Variants in INPP5D observed in about 807,000 individuals in gnomAD.
INPP5D encodes phosphatidylinositol 3,4,5-trisphosphate 5-phosphatase 1.
INPP5D carries 33 observed loss-of-function variants against 122.9 expected under a neutral mutation model. The observed-to-expected ratio is 0.27, with a 90% confidence interval of 0.20 to 0.36. The LOEUF (loss-of-function observed/expected upper bound fraction) is 0.36. Among genes scored for constraint, INPP5D ranks in the 10% least tolerant of loss-of-function variants. The pLI is 1.00. For synonymous variants in INPP5D, 584 were observed against 576.2 expected, an observed-to-expected ratio of 1.01 and a Z score of -0.19; for missense variants, 1,053 against 1,412.7, an observed-to-expected ratio of 0.75 and a Z score of 4.08.
chr2:233,077,840 A>G (rs909432228), intron 1 of INPP5D, among the ~76,000 whole-genome samples: 56 of 146,682 alleles, frequency 3.8e-4, no homozygotes, highest in Admixed American at 3.6e-3. Context: ...AGCCTGAGTG[A>G]CAGAGTGAGA....
Position 233,100,748 on chromosome 2 carries a change from C to A in INPP5D, c.198+21350C>A, listed in dbSNP as rs1692288933. Among the ~76,000 whole-genome samples the A allele has an allele frequency of 6.6e-6, 1 of 152,220 alleles. No homozygotes were observed. The highest frequency in any genetic ancestry group is 1.5e-5 in the Non-Finnish European group (1 of 68,030). On this transcript the variant is annotated intron_variant, in intron 2 of 26. Coordinates refer to ENST00000445964, the MANE Select transcript of INPP5D (RefSeq NM_001017915.3). The surrounding 1 kb of genome is among the most constrained non-coding windows in gnomAD (Gnocchi z 5.3). ...CCTTTGCAGGTGTGACCTGTCTGCTCCTGTTAGAGCCTCCTTTCCCCAGAG... is the reference window on the plus strand; with the variant it reads ...CCTTTGCAGGTGTGACCTGTCTGCTACTGTTAGAGCCTCCTTTCCCCAGAG...
At chr2:233,153,815 CAG>C (rs1271619268) in intron 9 of INPP5D, among the ~76,000 whole-genome samples, 2 of 152,222 alleles carry the variant, frequency 1.3e-5, no homozygotes, top group Non-Finnish European at 2.9e-5. Flanking sequence ...CTACTGAAAA[CAG>C]AGGACTAAGG....
At chr2:233,186,697 T>A (rs1171475614) in intron 21 of INPP5D, among the ~76,000 whole-genome samples, 1 of 23,686 alleles carries the variant, frequency 4.2e-5, no homozygotes, top group Non-Finnish European at 7.7e-5. Context: ...TTTTTTTTTT[T>A]TTTTTTTTTT....
chr2:233,199,774 A>C (rs1305909541), intron 25 of INPP5D, among the ~76,000 whole-genome samples: 1 of 152,084 alleles, frequency 6.6e-6, no homozygotes, highest in Non-Finnish European at 1.5e-5. Flanking sequence ...GGTTGCAGTG[A>C]GCTGAGATCA....
chr2:233,199,163 A>G (rs1695264625), intron 25 of INPP5D, among the ~76,000 whole-genome samples: 1 of 152,024 alleles, frequency 6.6e-6, no homozygotes, highest in South Asian at 2.1e-4. Context: ...GCTTGAGCCC[A>G]GGAGGCAGAG....
At chr2:233,169,920 A>T in intron 14 of INPP5D, 106 bp from the exon 15 acceptor site, 1 of 1,569,496 alleles carries the variant, frequency 6.4e-7, no homozygotes, top group Non-Finnish European at 8.7e-7. Context: ...ACTTCCCCCC[A>T]CCTGCTATGC....
chr2:233,062,917 GTCATCT>G (rs1444611350), intron 1 of INPP5D, among the ~76,000 whole-genome samples: 1 of 151,692 alleles, frequency 6.6e-6, no homozygotes, highest in Non-Finnish European at 1.5e-5. Flanking sequence ...ATAACAAACT[GTCATCT>G]TCCAACACCT....
At chr2:233,144,345 AGAT>A (rs1693693606) in intron 6 of INPP5D, among the ~76,000 whole-genome samples, 1 of 135,720 alleles carries the variant, frequency 7.4e-6, no homozygotes, top group African/African-American at 2.8e-5. Flanking sequence ...GGAGGGGTGG[AGAT>A]GGTGGTGGTG....
intron 2 of INPP5D, among the ~76,000 whole-genome samples, chr2:233,094,750 G>A (rs1031166251): frequency 9.9e-5 from 15 of 152,096 alleles, no homozygotes; most frequent in African/African-American, 3.4e-4. Context: ...ATCCCCAGGT[G>A]ATCCTGATGC....
rs370954433 is a variant in INPP5D at position 233,206,750 on chromosome 2, C to A, written c.*42C>A. ...CCACTGAGTCGGGAGCCCAGAGGAACGGCGTGAAGCCACTGGACCCTCTCC... is the reference window on the plus strand; with the variant it reads ...CCACTGAGTCGGGAGCCCAGAGGAAAGGCGTGAAGCCACTGGACCCTCTCC... On this transcript the variant is annotated 3_prime_UTR_variant, in exon 27 of 27. Transcript: ENST00000445964. The surrounding 1 kb of genome is among the most constrained non-coding windows in gnomAD (Gnocchi z 4.0). The A allele has an allele frequency of 2.6e-6, 2 of 757,530 alleles. No individual in the cohort carries two copies. The highest frequency in any genetic ancestry group is 3.4e-5 in the African/African-American group (2 of 58,564). 46.9% of individuals were successfully genotyped at this position (757,530 alleles called of 1,614,324 possible).
intron 2 of INPP5D, among the ~76,000 whole-genome samples, chr2:233,086,044 A>G (rs1035101097): frequency 1.3e-5 from 2 of 152,186 alleles, no homozygotes; most frequent in Admixed American, 6.5e-5. Context: ...AACCAATGAG[A>G]TGTGAAGAGA....
At chr2:233,146,083 C>T (rs1478673217) in intron 6 of INPP5D, 79 bp from the exon 7 acceptor site, 17 of 703,764 alleles carry the variant, frequency 2.4e-5, no homozygotes, top group Non-Finnish European at 4.2e-5. Flanking sequence ...GGGTGAGGTG[C>T]AGAGAGAACC....
At chr2:233,154,922 T>G (rs1161368416) in intron 9 of INPP5D, among the ~76,000 whole-genome samples, 1 of 152,232 alleles carries the variant, frequency 6.6e-6, no homozygotes, top group African/African-American at 2.4e-5. Context: ...GATATTTAAC[T>G]TAACCACTCA....
Position 233,164,036 on chromosome 2 carries a change from G to C in INPP5D, c.1437+133G>C. 2.1e-6 allele frequency: 3 copies of C among 1,434,132 alleles called. No individual in the cohort carries two copies. The South Asian group carries it at 4.4e-5, about 21-fold the overall frequency. 88.8% of individuals were successfully genotyped at this position (1,434,132 alleles called of 1,614,324 possible). On this transcript the variant is annotated intron_variant, in intron 12 of 26. Coordinates refer to ENST00000445964, the MANE Select transcript of INPP5D (RefSeq NM_001017915.3). The surrounding 1 kb of genome is among the most constrained non-coding windows in gnomAD (Gnocchi z 4.3). ...GGATGTCTGGAGGCCCCCACTGAGA[G>C]ATGCGTCTGTATTCAGAAATAAATG...
intron 1 of INPP5D, among the ~76,000 whole-genome samples, chr2:233,060,906 T>C (rs916056057): frequency 3.3e-5 from 5 of 152,164 alleles, no homozygotes; most frequent in African/African-American, 1.2e-4. Flanking sequence ...GAAGGGAGTT[T>C]GGGCTTTTGG....
At chr2:233,151,023 CG>C (rs1041532387) in intron 9 of INPP5D, among the ~76,000 whole-genome samples, 42 of 152,244 alleles carry the variant, frequency 2.8e-4, no homozygotes, top group African/African-American at 1.0e-3. Flanking sequence ...CCGCTGGGCA[CG>C]CCATCCTAGG....
At chr2:233,079,087 C>G (rs1691603277) in intron 1 of INPP5D, among the ~76,000 whole-genome samples, 1 of 152,106 alleles carries the variant, frequency 6.6e-6, no homozygotes, top group Non-Finnish European at 1.5e-5. Flanking sequence ...CGGGTCCCCA[C>G]CTAAATGACC....
intron 22 of INPP5D, among the ~76,000 whole-genome samples, chr2:233,190,411 C>A (rs1028187233): frequency 6.6e-6 from 1 of 152,172 alleles, no homozygotes; most frequent in Non-Finnish European, 1.5e-5. Flanking sequence ...CTCTGCTGAC[C>A]CAGTCTCTAA....
chr2:233,167,373 GA>G (rs112368312), intron 13 of INPP5D, among the ~76,000 whole-genome samples: 1 of 150,416 alleles, frequency 6.6e-6, no homozygotes, highest in Non-Finnish European at 1.5e-5. Flanking sequence ...TCTCAAATTA[GA>G]AAAAAAAATA....
Sources: allele counts gnomAD v4.1 joint callset (sites outside exome capture counted in the v4.1 genomes callset), GRCh38; gene constraint gnomAD v4.1.1; non-coding constraint Gnocchi (gnomAD v3.1); transcripts MANE v1.5; gene names NCBI Gene and HGNC (gene_info 2026-07-23, HGNC 2026-07-21).